Variants in MYO19 observed in about 807,000 individuals in gnomAD.
MYO19 encodes the protein myosin XIX.
A neutral mutation model predicts 129.2 loss-of-function variants in MYO19; 132 were observed. The observed-to-expected ratio is 1.02, with a 90% CI of 0.89 to 1.18. The LOEUF (loss-of-function observed/expected upper bound fraction) is 1.18. MYO19 is among the 50% of genes most tolerant of loss of function. The pLI, the probability that MYO19 is intolerant of heterozygous loss-of-function variation, is 0.00. For missense variants in MYO19, 1,210 were observed against 1,216.7 expected, an observed-to-expected ratio of 0.99 and a Z score of 0.08; for synonymous variants, 531 against 477.2, an observed-to-expected ratio of 1.11 and a Z score of -1.47.
At position 36,514,505 on chromosome 17, in the gene MYO19, C is replaced by CT. The variant is rs2072603145; in HGVS notation, c.660dup (p.Glu221ArgfsTer12). The CT allele has an allele frequency of 1.1e-5, 18 of 1,613,726 alleles. No homozygotes were observed. The highest frequency in any genetic ancestry group is 1.5e-5 in the Non-Finnish European group (18 of 1,179,676). ...GCCTGGCAGGCCACTCGAGTTTTCT[C>CT]TAGGAGGTAGGTCTGGACTGCGGCT... is the stretch of plus-strand genomic sequence containing the variant. On this transcript the variant is annotated frameshift_variant, in exon 9 of 26. Transcript: ENST00000614623. LOFTEE classifies it high-confidence loss of function.
chr17:36,522,734 G>A (rs1193309066), intron 6 of MYO19, among the ~76,000 whole-genome samples: 3 of 152,032 alleles, frequency 2.0e-5, no homozygotes, highest in Non-Finnish European at 2.9e-5. Flanking sequence ...CAGGTCAGGC[G>A]TGATGGCTCA....
At chr17:36,525,004 C>T (rs2142320229) in intron 6 of MYO19, among the ~76,000 whole-genome samples, 1 of 152,284 alleles carries the variant, frequency 6.6e-6, no homozygotes, top group African/African-American at 2.4e-5. Context: ...CCTATTTCAC[C>T]CAGGGTGATG....
In MYO19 at chr17:36,528,146, G is replaced by A. The variant is rs774648575; in HGVS notation, c.69C>T (p.Asp23=). The A allele has an allele frequency of 1.2e-6, 2 of 1,611,854 alleles. No individual in the cohort carries two copies. Among genetic ancestry groups the A allele is most frequent in the Admixed American group, 3.4e-5 (2 of 59,638 alleles). The stretch of plus-strand genomic sequence containing the variant: ...CCTCCCCACCCAGGAACTCCTGCAG[G>A]TCTTCTCTGAGGTACTCCCTGGCTT... ...DGQAREYLRE[D]LQEFLGGEVL... The change falls in exon 4 of 26, where the codon GAC becomes GAT. Residue 23 remains aspartate, a synonymous_variant. Coordinates refer to ENST00000614623, the MANE Select transcript of MYO19 (RefSeq NM_001163735.2).
Position 36,513,736 on chromosome 17 carries a change from G to C in MYO19, c.721-11C>G, listed in dbSNP as rs763708223. ...GGCTCCTTTGCAAATCTGTGGAGAA[G>C]GGTAGGTGGGAGGCTGGGTAGGGGG... is the stretch of plus-strand genomic sequence containing the variant. On this transcript the variant is annotated splice_polypyrimidine_tract_variant and intron_variant, in intron 9 of 25. Coordinates refer to ENST00000614623, the MANE Select transcript of MYO19 (RefSeq NM_001163735.2). The C allele has an allele frequency of 1.9e-6, 3 of 1,611,724 alleles. No individual in the cohort carries two copies. The highest frequency in any genetic ancestry group is 4.5e-5 in the East Asian group (2 of 44,842).
chr17:36,511,102 T>C, intron 12 of MYO19, 185 bp from the exon 13 acceptor site: 1 of 704,216 alleles, frequency 1.4e-6, no homozygotes, highest in South Asian at 1.9e-5. Context: ...ACCCAGCACT[T>C]TCATGTACCA....
intron 13 of MYO19, chr17:36,509,419 C>G: frequency 4.0e-6 from 2 of 500,652 alleles, no homozygotes; most frequent in South Asian, 4.6e-5. Flanking sequence ...GGGAGGGAAT[C>G]AGTCGAGCTC....
At chr17:36,529,153 C>CTT (rs145146881) in intron 3 of MYO19, among the ~76,000 whole-genome samples, 2 of 149,686 alleles carry the variant, frequency 1.3e-5, no homozygotes, top group African/African-American at 4.9e-5. Context: ...CCTTGCCTAT[C>CTT]TTTTTTTTTT....
At chr17:36,521,876 C>G (rs1348510192) in intron 6 of MYO19, among the ~76,000 whole-genome samples, 1 of 151,626 alleles carries the variant, frequency 6.6e-6, no homozygotes, top group Admixed American at 6.6e-5. Context: ...ACTAAAAATA[C>G]AAAAATTAGC....
chr17:36,498,877 C>T, intron 24 of MYO19, 198 bp downstream of exon 24: 1 of 596,478 alleles, frequency 1.7e-6, no homozygotes. Flanking sequence ...GCTTATACCA[C>T]TCTTCACCTA....
intron 6 of MYO19, among the ~76,000 whole-genome samples, chr17:36,524,618 A>G (rs960745958): frequency 6.6e-6 from 1 of 152,138 alleles, no homozygotes; most frequent in African/African-American, 2.4e-5. Context: ...GTCCTCCCCA[A>G]CACCTGGCCC....
chr17:36,512,179 C>T (rs1232701489), intron 11 of MYO19, among the ~76,000 whole-genome samples: 1 of 144,394 alleles, frequency 6.9e-6, no homozygotes, highest in Non-Finnish European at 1.5e-5. Context: ...GGTGAACCTC[C>T]ATCTCTACTA....
rs902609187 is a variant in MYO19 at position 36,495,807 on chromosome 17, C to T, written c.*444G>A. On this transcript the variant is annotated 3_prime_UTR_variant, in exon 26 of 26. Coordinates refer to ENST00000614623, the MANE Select transcript of MYO19 (RefSeq NM_001163735.2). ...TTTGAAATTACATTAAATAAATCAACTAATTAAATACTAAAGTTTTGTTCC... is the reference window on the plus strand; with the variant it reads ...TTTGAAATTACATTAAATAAATCAATTAATTAAATACTAAAGTTTTGTTCC... The T allele has an allele frequency of 8.1e-7, 1 of 1,239,684 alleles. No homozygotes were observed. The highest frequency in any genetic ancestry group is 3.9e-5 in the Admixed American group (1 of 25,552). 76.8% of individuals were successfully genotyped at this position (1,239,684 alleles called of 1,614,324 possible).
upstream of MYO19, chr17:36,538,744 G>A: frequency 1.3e-6 from 1 of 798,158 alleles, no homozygotes; most frequent in Non-Finnish European, 1.9e-6. Context: ...CATCTAAACA[G>A]CAGTGATGCT....
intron 9 of MYO19, 33 bp from the exon 10 acceptor site, chr17:36,513,758 G>T: frequency 6.3e-7 from 1 of 1,596,280 alleles, no homozygotes; most frequent in Non-Finnish European, 8.6e-7. Context: ...GGCTGGGTAG[G>T]GGGTCTGAGA....
At chr17:36,503,430 T>C (rs905385680) in intron 20 of MYO19, among the ~76,000 whole-genome samples, 4 of 152,344 alleles carry the variant, frequency 2.6e-5, no homozygotes, top group African/African-American at 7.2e-5. Flanking sequence ...CCTGCTGCCT[T>C]GGTCTACCAA....
At chr17:36,524,141 G>C (rs1321765000) in intron 6 of MYO19, among the ~76,000 whole-genome samples, 4 of 152,208 alleles carry the variant, frequency 2.6e-5, no homozygotes, top group Admixed American at 6.5e-5. Context: ...GCTTCGTTGA[G>C]AAGCTGGGCA....
chr17:36,508,769 C>T (rs1353323053), intron 14 of MYO19: 1 of 438,940 alleles, frequency 2.3e-6, no homozygotes, highest in East Asian at 4.0e-5. Context: ...CCCCAACCCC[C>T]ACTACTCTCC....
At chr17:36,526,090 TC>T (rs1242442820) in intron 5 of MYO19, among the ~76,000 whole-genome samples, 1 of 152,088 alleles carries the variant, frequency 6.6e-6, no homozygotes, top group Non-Finnish European at 1.5e-5. Flanking sequence ...AGGCAACTGT[TC>T]CATATGGCGT....
chr17:36,503,833 A>C, intron 20 of MYO19, 117 bp downstream of exon 20: 2 of 825,138 alleles, frequency 2.4e-6, no homozygotes, highest in Non-Finnish European at 3.5e-6. Context: ...TCTACAGACC[A>C]GCCTCTTTCT....
Sources: gnomAD v4.1 joint callset for allele counts (sites outside exome capture counted in the v4.1 genomes callset) on GRCh38, gnomAD v4.1.1 for gene constraint, MANE v1.5 for transcripts, NCBI Gene and HGNC (gene_info 2026-07-23, HGNC 2026-07-21) for gene names.